The following SNX14 variants were observed in gnomAD, a reference collection of about 807,000 sequenced individuals.
The protein encoded by SNX14 is sorting nexin 14.
In SNX14, 93 loss-of-function variants were observed where a neutral mutation model predicts 133.8. That is an observed-to-expected ratio of 0.70 (90% CI 0.59 to 0.83). The LOEUF (loss-of-function observed/expected upper bound fraction) is 0.83, where lower values mean the gene tolerates loss of function less well. SNX14 is among the 40% of genes least tolerant of loss of function. The pLI is 0.00. For synonymous variants in SNX14, 368 were observed against 365.6 expected, an observed-to-expected ratio of 1.01 and a Z score of -0.07; for missense variants, 945 against 1,094.9, an observed-to-expected ratio of 0.86 and a Z score of 1.93.
chr6:85,550,457 C>G (rs1482575219), intron 7 of SNX14, among the ~76,000 whole-genome samples: 1 of 152,158 alleles, frequency 6.6e-6, no homozygotes, highest in African/African-American at 2.4e-5. Context: ...CTTCTTTCTC[C>G]TCTCCAAAAG....
chr6:85,566,391 T>A (rs181390199), intron 5 of SNX14, among the ~76,000 whole-genome samples: 2 of 145,330 alleles, frequency 1.4e-5, no homozygotes, highest in Admixed American at 6.9e-5. Flanking sequence ...ACTAGTAGCA[T>A]TTTTTTTTTT....
intron 8 of SNX14, 44 bp from the exon 9 acceptor site, chr6:85,548,420 T>C (rs1786509601): frequency 1.4e-6 from 2 of 1,407,166 alleles, no homozygotes; most frequent in African/African-American, 2.9e-5. Context: ...TAGTGATTTA[T>C]ATTAGTTCTT....
chr6:85,577,016 C>T (rs1797555760), intron 1 of SNX14, among the ~76,000 whole-genome samples: 1 of 152,084 alleles, frequency 6.6e-6, no homozygotes, highest in African/African-American at 2.4e-5. Context: ...CTATGAGAGT[C>T]AGTGATGGCC....
At chr6:85,517,504 T>TA (rs1775434645) in intron 23 of SNX14, 1 of 286,946 alleles carries the variant, frequency 3.5e-6, no homozygotes, top group Admixed American at 5.1e-5. Flanking sequence ...AAACCACTTT[T>TA]AAAAATCCCC....
intron 1 of SNX14, among the ~76,000 whole-genome samples, chr6:85,578,947 C>A (rs982449510): frequency 6.6e-6 from 1 of 152,030 alleles, no homozygotes; most frequent in Non-Finnish European, 1.5e-5. Context: ...ACCAGCCTGG[C>A]CAACATGATG....
At chr6:85,574,134 G>T in intron 2 of SNX14, 124 bp downstream of exon 2, 6 of 657,358 alleles carry the variant, frequency 9.1e-6, no homozygotes, top group Non-Finnish European at 1.3e-5. Flanking sequence ...AAAAAAAAGA[G>T]AAGAAATTGA....
intron 27 of SNX14, 38 bp from the exon 28 acceptor site, chr6:85,507,327 C>T: frequency 2.0e-6 from 3 of 1,505,586 alleles, no homozygotes; most frequent in Non-Finnish European, 2.7e-6. Flanking sequence ...AATGTTAAGG[C>T]ACTAAACACA....
At chr6:85,506,426 C>T (rs748423365) in intron 28 of SNX14, among the ~76,000 whole-genome samples, 7 of 152,064 alleles carry the variant, frequency 4.6e-5, no homozygotes, top group Non-Finnish European at 1.0e-4. Context: ...AAGCGATTCT[C>T]CTGTGTCAGC....
chr6:85,578,144 T>C (rs1024893976), intron 1 of SNX14, among the ~76,000 whole-genome samples: 12 of 151,968 alleles, frequency 7.9e-5, no homozygotes, highest in African/African-American at 2.9e-4. Context: ...AAAAAAGAAA[T>C]AATGCGTAAA....
chr6:85,588,797 A>T, intron 1 of SNX14: 1 of 448,290 alleles, frequency 2.2e-6, no homozygotes, highest in Non-Finnish European at 4.5e-6. Context: ...GTATTCTTAC[A>T]ATGATGTAAG....
chr6:85,533,982 C>T (rs1010671504), intron 17 of SNX14, among the ~76,000 whole-genome samples, 182 bp from the exon 18 acceptor site: 1 of 152,166 alleles, frequency 6.6e-6, no homozygotes, highest in African/African-American at 2.4e-5. Flanking sequence ...TAACAAGTTA[C>T]TAGCATCAAC....
intron 20 of SNX14, among the ~76,000 whole-genome samples, chr6:85,526,983 C>G (rs1041592744): frequency 6.6e-6 from 1 of 152,040 alleles, no homozygotes; most frequent in African/African-American, 2.4e-5. Context: ...GCTGGAGAAT[C>G]GGTTGAACTC....
chr6:85,589,290 G>T (rs1278422453), intron 1 of SNX14: 3 of 162,026 alleles, frequency 1.9e-5, no homozygotes, highest in Non-Finnish European at 3.9e-5. Context: ...GTGCAGTGGT[G>T]CCATCATGGC....
At chr6:85,519,844 G>T (rs193022574) in intron 21 of SNX14, among the ~76,000 whole-genome samples, 87 of 152,086 alleles carry the variant, frequency 5.7e-4, no homozygotes, top group Non-Finnish European at 9.4e-4. Context: ...ACTCCAGCTG[G>T]GTGACAGAGT....
chr6:85,507,334 C>G, intron 27 of SNX14, 45 bp from the exon 28 acceptor site: 2 of 1,477,130 alleles, frequency 1.4e-6, no homozygotes, highest in African/African-American at 2.8e-5. Flanking sequence ...AGGCACTAAA[C>G]ACAAAAACCA....
chr6:85,579,504 T>C (rs141548409), intron 1 of SNX14, among the ~76,000 whole-genome samples: 13 of 152,320 alleles, frequency 8.5e-5, no homozygotes, highest in Non-Finnish European at 1.6e-4. Flanking sequence ...GAAAGAGGCA[T>C]GGAAGAGGGT....
At chr6:85,547,577 A>G in intron 9 of SNX14, 27 bp from the exon 10 acceptor site, 1 of 1,542,572 alleles carries the variant, frequency 6.5e-7, no homozygotes, top group South Asian at 1.2e-5. Context: ...AACATAAGTC[A>G]AAATAATTCC....
chr6:85,507,328 A>ACTAAACAC, intron 27 of SNX14, 39 bp from the exon 28 acceptor site: 1 of 1,506,568 alleles, frequency 6.6e-7, no homozygotes, highest in Non-Finnish European at 9.1e-7. Flanking sequence ...ATGTTAAGGC[A>ACTAAACAC]CTAAACACAA....
intron 21 of SNX14, among the ~76,000 whole-genome samples, chr6:85,522,071 G>C (rs1777073457): frequency 6.6e-6 from 1 of 152,164 alleles, no homozygotes; most frequent in African/African-American, 2.4e-5. Flanking sequence ...ATTTATCTCT[G>C]CTATTTTCTA....
Sources: allele counts gnomAD v4.1 joint callset (sites outside exome capture counted in the v4.1 genomes callset), GRCh38; gene constraint gnomAD v4.1.1; transcripts MANE v1.5; gene names NCBI Gene and HGNC (gene_info 2026-07-23, HGNC 2026-07-21).